Variants in STK39 observed in about 807,000 individuals in gnomAD.
STK39 encodes serine/threonine kinase 39, also known as STE20/SPS1-related proline-alanine-rich protein kinase.
In STK39, 20 loss-of-function variants were observed where a neutral mutation model predicts 77.8. That is an observed-to-expected ratio of 0.26 (90% CI 0.18 to 0.37). The LOEUF (loss-of-function observed/expected upper bound fraction) is 0.37. Among genes scored for constraint, STK39 ranks in the 10% least tolerant of loss-of-function variants. STK39 has a pLI of 1.00. For missense variants in STK39, 479 were observed against 656.5 expected (o/e 0.73, Z 2.95); for synonymous variants, 246 against 234.1 (o/e 1.05, Z -0.47).
chr2:168,143,146 C>G (rs1054295752), intron 5 of STK39, among the ~76,000 whole-genome samples: 1 of 152,184 alleles, frequency 6.6e-6, no homozygotes, highest in Non-Finnish European at 1.5e-5. Context: ...CATCTCCCTG[C>G]CTCCAGGAAT....
At chr2:168,085,079 A>AC (rs2105422714) in intron 10 of STK39, among the ~76,000 whole-genome samples, 1 of 152,308 alleles carries the variant, frequency 6.6e-6, no homozygotes, top group African/African-American at 2.4e-5. Context: ...TTCACAGAAA[A>AC]CCCACTACCT....
intron 16 of STK39, among the ~76,000 whole-genome samples, chr2:167,965,453 G>A (rs1459917435): frequency 1.3e-5 from 2 of 152,102 alleles, no homozygotes; most frequent in East Asian, 1.9e-4. Context: ...TGTTCTTCAC[G>A]GTGTAATGAT....
At chr2:168,149,849 CGCTTTTTTGCCAG>C (rs1688234798) in intron 5 of STK39, among the ~76,000 whole-genome samples, 1 of 152,206 alleles carries the variant, frequency 6.6e-6, no homozygotes, top group Admixed American at 6.5e-5. Flanking sequence ...GAATCTAATT[CGCTTTTTTGCCAG>C]TAGTTGCTGC....
chr2:168,128,071 A>T (rs1462973459), intron 10 of STK39, among the ~76,000 whole-genome samples: 1 of 152,122 alleles, frequency 6.6e-6, no homozygotes, highest in Non-Finnish European at 1.5e-5. Flanking sequence ...CTTAACAAGG[A>T]GCTGGAGTGT....
intron 10 of STK39, among the ~76,000 whole-genome samples, chr2:168,093,119 T>C (rs1686569307): frequency 6.6e-6 from 1 of 152,222 alleles, no homozygotes; most frequent in South Asian, 2.1e-4. Flanking sequence ...TTTCCTCCCA[T>C]CTTCCAAACA....
chr2:168,018,537 GAAA>G (rs11343035), intron 14 of STK39, among the ~76,000 whole-genome samples: 1 of 43,302 alleles, frequency 2.3e-5, no homozygotes, highest in African/African-American at 7.1e-5. Flanking sequence ...AGAAAAGAAA[GAAA>G]AGAAAGAAAG....
At chr2:168,153,463 T>G (rs867726157) in intron 5 of STK39, among the ~76,000 whole-genome samples, 1 of 152,176 alleles carries the variant, frequency 6.6e-6, no homozygotes, top group African/African-American at 2.4e-5. Context: ...GGGCCCTACC[T>G]CTAGAGTTTC....
chr2:168,090,521 T>C (rs1398092816), intron 10 of STK39, among the ~76,000 whole-genome samples: 1 of 152,148 alleles, frequency 6.6e-6, no homozygotes, highest in African/African-American at 2.4e-5. Context: ...GTTCCCCATA[T>C]CCAACATAAC....
In STK39 at chr2:168,063,522, C is replaced by T. The variant is rs762057185; in HGVS notation, c.1354G>A (p.Val452Met). The T allele has an allele frequency of 3.1e-6, 5 of 1,612,622 alleles. No individual in the cohort carries two copies. The highest frequency in any genetic ancestry group is 3.3e-5 in the Admixed American group (2 of 59,908). Reference sequence around the variant, plus strand: ...TACCTTAATCTCAAAACGAGGTTCACGGCACAAGAAGAAGCTTCTCTGTAG... The same window carrying T: ...TACCTTAATCTCAAAACGAGGTTCATGGCACAAGAAGAAGCTTCTCTGTAG... ...EDYREASSCAVNLVLRLRNSR... is the reference protein window; with the variant it reads ...EDYREASSCAMNLVLRLRNSR... Residue 452 changes from valine (V) to methionine (M), a missense_variant, in exon 14 of 18, where the codon GTG becomes ATG. This residue lies in a region of STK39 where 244 missense variants were observed against 296.8 expected (regional missense o/e 0.82). Transcript: ENST00000355999.
intron 13 of STK39, among the ~76,000 whole-genome samples, chr2:168,064,263 T>C (rs927458364): frequency 5.9e-5 from 9 of 152,188 alleles, no homozygotes; most frequent in South Asian, 4.1e-4. Flanking sequence ...TCTACAGTAC[T>C]AGTTATCCTA....
At chr2:168,094,574 C>T (rs1686612275) in intron 10 of STK39, among the ~76,000 whole-genome samples, 1 of 152,172 alleles carries the variant, frequency 6.6e-6, no homozygotes, top group African/African-American at 2.4e-5. Context: ...TTTTGTGAGT[C>T]TTCATTTTCC....
intron 17 of STK39, among the ~76,000 whole-genome samples, chr2:167,959,134 T>A: frequency 1.4e-5 from 2 of 144,192 alleles, no homozygotes. Flanking sequence ...TTATTTATAT[T>A]TTTTGAGACA....
At chr2:168,012,725 T>C in intron 15 of STK39, 23 bp from the exon 16 acceptor site, 2 of 1,599,010 alleles carry the variant, frequency 1.3e-6, no homozygotes, top group Non-Finnish European at 1.7e-6. Flanking sequence ...GAAATGAATA[T>C]GTATTAGTAA....
In STK39 at chr2:168,162,023, C is replaced by A. The variant is rs1483628996; in HGVS notation, c.573-181G>T. Among the ~76,000 whole-genome samples the A allele has an allele frequency of 2.0e-5, 3 of 152,252 alleles. No homozygotes were observed. In the East Asian group the frequency reaches 5.8e-4, roughly 29 times the overall value. Reference sequence around the variant, plus strand: ...AGGATAGGCTGGGCACAGTGGCTCACGCCTGTAATCCCAGCACTTTGGGAG... The same window carrying A: ...AGGATAGGCTGGGCACAGTGGCTCAAGCCTGTAATCCCAGCACTTTGGGAG... On this transcript the variant is annotated intron_variant, in intron 4 of 17. Coordinates refer to ENST00000355999, the MANE Select transcript of STK39 (RefSeq NM_013233.3).
chr2:168,091,392 A>G (rs903476432), intron 10 of STK39, among the ~76,000 whole-genome samples: 1 of 152,184 alleles, frequency 6.6e-6, no homozygotes, highest in African/African-American at 2.4e-5. Flanking sequence ...ACTCACAAAA[A>G]TATAAGGAGA....
chr2:168,241,722 T>C (rs980197531), intron 1 of STK39, among the ~76,000 whole-genome samples: 3 of 152,278 alleles, frequency 2.0e-5, no homozygotes, highest in Admixed American at 1.3e-4. Flanking sequence ...TGTTCTCTCC[T>C]GATAACTTGC....
chr2:168,055,811 C>T (rs1685509337), intron 14 of STK39, among the ~76,000 whole-genome samples: 1 of 152,100 alleles, frequency 6.6e-6, no homozygotes, highest in South Asian at 2.1e-4. Flanking sequence ...GAAAAATATA[C>T]TAATGGAAAA....
intron 10 of STK39, among the ~76,000 whole-genome samples, chr2:168,126,654 G>A (rs1687550058): frequency 6.6e-6 from 1 of 152,078 alleles, no homozygotes; most frequent in Admixed American, 6.5e-5. Flanking sequence ...GTTTCAAAGG[G>A]CTTTTCCTTG....
At chr2:168,202,050 C>T (rs1214366580) in intron 1 of STK39, among the ~76,000 whole-genome samples, 1 of 152,160 alleles carries the variant, frequency 6.6e-6, no homozygotes, top group African/African-American at 2.4e-5. Flanking sequence ...TTGGGCCCCC[C>T]GCCCCCGCTA....
Sources: gnomAD v4.1 joint callset for allele counts (sites outside exome capture counted in the v4.1 genomes callset) on GRCh38, gnomAD v4.1.1 for gene constraint, gnomAD v4.1.1 regional missense constraint, MANE v1.5 for transcripts, NCBI Gene and HGNC (gene_info 2026-07-23, HGNC 2026-07-21) for gene names.